Variants in BCL2 observed in about 807,000 individuals in gnomAD.
The protein encoded by BCL2 is BCL2 apoptosis regulator.
Under a neutral mutation model 14.2 loss-of-function variants are expected in BCL2, and 1 was observed. The observed-to-expected ratio is 0.07, with a 90% CI of 0.02 to 0.33. The LOEUF is 0.33. BCL2 is among the 10% of genes least tolerant of loss of function. The probability of loss-of-function intolerance (pLI) is 0.99; values close to 1 mark genes in which losing one functional copy is unlikely to be tolerated. For missense variants in BCL2, 247 were observed against 305.9 expected, an observed-to-expected ratio of 0.81 and a Z score of 1.44; for synonymous variants, 151 against 137.2, an observed-to-expected ratio of 1.10 and a Z score of -0.70.
At chr18:63,205,871 G>C (rs1035535041) in intron 2 of BCL2, among the ~76,000 whole-genome samples, 2 of 152,126 alleles carry the variant, frequency 1.3e-5, no homozygotes, top group Non-Finnish European at 2.9e-5. Flanking sequence ...CAGGCCTCCA[G>C]AGAATTTGAC....
intron 2 of BCL2, among the ~76,000 whole-genome samples, chr18:63,233,247 A>G (rs1450360291): frequency 1.3e-5 from 2 of 152,254 alleles, no homozygotes; most frequent in African/African-American, 2.4e-5. Context: ...GGAAAGAAAC[A>G]TTCAGTTTAT....
rs141252442 is a variant in BCL2, at chr18:63,309,699, C to T, written c.585+8383G>A. 6.6e-5 allele frequency among the ~76,000 whole-genome samples: 10 copies of T among 152,254 alleles called. No homozygotes were observed. In the East Asian group the frequency reaches 1.7e-3, roughly 26 times the overall value. ...AACCTTTGCAACATCCTTTCAACAT[C>T]CCTGGTACAGTTAAACGCAGCCATC... On this transcript the variant is annotated intron_variant, in intron 2 of 2. Transcript: ENST00000333681.
At chr18:63,169,470 G>C in intron 2 of BCL2, among the ~76,000 whole-genome samples, 1 of 110,498 alleles carries the variant, frequency 9.0e-6, no homozygotes, top group South Asian at 2.9e-4. Context: ...CTCCCTCCCT[G>C]TCTCCCTCCC....
intron 2 of BCL2, among the ~76,000 whole-genome samples, chr18:63,287,705 G>A (rs1296867761): frequency 6.6e-6 from 1 of 152,182 alleles, no homozygotes; most frequent in Non-Finnish European, 1.5e-5. Flanking sequence ...TACAGCATAT[G>A]CAAGAAGGAA....
chr18:63,270,396 A>C (rs1413215634), intron 2 of BCL2, among the ~76,000 whole-genome samples: 1 of 152,228 alleles, frequency 6.6e-6, no homozygotes, highest in Non-Finnish European at 1.5e-5. Context: ...GCCTTAACAA[A>C]GAAAGAAGAA....
At chr18:63,222,803 A>G (rs547503367) in intron 2 of BCL2, among the ~76,000 whole-genome samples, 21 of 152,358 alleles carry the variant, frequency 1.4e-4, no homozygotes, top group African/African-American at 4.6e-4. Flanking sequence ...CCACCAGGAC[A>G]ATAGGAGAGG....
intron 2 of BCL2, among the ~76,000 whole-genome samples, chr18:63,139,073 G>A (rs1316852854): frequency 3.9e-5 from 6 of 152,224 alleles, no homozygotes; most frequent in Non-Finnish European, 7.3e-5. Flanking sequence ...ATGGACCTCA[G>A]AGGATTCCTT....
chr18:63,230,597 AAAAG>A (rs1397813656), intron 2 of BCL2, among the ~76,000 whole-genome samples: 3 of 152,242 alleles, frequency 2.0e-5, no homozygotes, highest in East Asian at 1.9e-4. Context: ...TGAGCAAGGA[AAAAG>A]AAAGAGCACA....
chr18:63,158,430 C>T (rs1217915109), intron 2 of BCL2, among the ~76,000 whole-genome samples: 1 of 152,128 alleles, frequency 6.6e-6, no homozygotes, highest in Non-Finnish European at 1.5e-5. Context: ...CTGTCACACG[C>T]TCTCCTCCAC....
intron 2 of BCL2, among the ~76,000 whole-genome samples, chr18:63,162,441 G>T (rs1182350130): frequency 1.3e-5 from 2 of 152,090 alleles, no homozygotes; most frequent in Non-Finnish European, 2.9e-5. Context: ...ATATGAACAT[G>T]TTTTTATTTC....
At chr18:63,138,757 A>C (rs540196065) in intron 2 of BCL2, among the ~76,000 whole-genome samples, 1 of 152,262 alleles carries the variant, frequency 6.6e-6, no homozygotes, top group Admixed American at 6.5e-5. Flanking sequence ...TGCTGGAGAC[A>C]TGGCAGGAGA....
Position 63,239,000 on chromosome 18 carries a change from G to A in BCL2, c.585+79082C>T, listed in dbSNP as rs763851773. On this transcript the variant is annotated intron_variant, in intron 2 of 2. Coordinates refer to ENST00000333681, the MANE Select transcript of BCL2 (RefSeq NM_000633.3). ...CTAACTGCGGGAGCCCTGCTACTCC[G>A]GGTAGGGGAGAGGCGGGGGCCTGTG... is the stretch of plus-strand genomic sequence containing the variant. Among the ~76,000 whole-genome samples, 67 of 152,220 alleles carry A rather than the reference G, an allele frequency of 4.4e-4. 1 individual carries two copies. The highest frequency in any genetic ancestry group is 2.7e-3 in the South Asian group (13 of 4,834).
Position 63,124,806 on chromosome 18 carries a change from T to G in BCL2, c.*3819A>C, listed in dbSNP as rs561816906. ...AATAAGATCAGAATAGAATTTCAAC[T>G]GACTCCCTAATTTCCTTAGAATGGC... On this transcript the variant is annotated 3_prime_UTR_variant, in exon 3 of 3. Transcript: ENST00000333681. The G allele has an allele frequency of 2.0e-4, 46 of 229,644 alleles. No individual in the cohort carries two copies. Among genetic ancestry groups the G allele is most frequent in the African/African-American group, 9.7e-4 (44 of 45,264 alleles). 14.2% of individuals were successfully genotyped at this position (229,644 alleles called of 1,614,324 possible).
chr18:63,264,433 A>G lies in BCL2; in HGVS notation c.585+53649T>C, dbSNP rs536703614. Among the ~76,000 whole-genome samples, 401 of 152,234 alleles carry G rather than the reference A, an allele frequency of 2.6e-3. 1 individual carries two copies. The highest frequency in any genetic ancestry group is 9.1e-3 in the African/African-American group (377 of 41,532). Reference sequence around the variant, plus strand: ...ATTAAATATGAGATGACCTACCTCAATGCTCCACTGTGTCTCCTACCCCTG... The same window carrying G: ...ATTAAATATGAGATGACCTACCTCAGTGCTCCACTGTGTCTCCTACCCCTG... On this transcript the variant is annotated intron_variant, in intron 2 of 2. Coordinates refer to ENST00000333681, the MANE Select transcript of BCL2 (RefSeq NM_000633.3).
chr18:63,136,488 C>A (rs376386559), intron 2 of BCL2, among the ~76,000 whole-genome samples: 1 of 152,214 alleles, frequency 6.6e-6, no homozygotes, highest in African/African-American at 2.4e-5. Flanking sequence ...ATAGGTTAGA[C>A]TCCCTTAGAA....
intron 2 of BCL2, among the ~76,000 whole-genome samples, chr18:63,291,931 C>G (rs999218851): frequency 5.9e-5 from 9 of 151,982 alleles, no homozygotes; most frequent in African/African-American, 2.2e-4. Context: ...CCATGGGAAG[C>G]AAGTTAAATT....
chr18:63,183,452 C>A (rs1467463452), intron 2 of BCL2, among the ~76,000 whole-genome samples: 1 of 152,192 alleles, frequency 6.6e-6, no homozygotes, highest in Non-Finnish European at 1.5e-5. Flanking sequence ...GGACACAGGA[C>A]TTGCTCTCCC....
At chr18:63,164,131 T>C (rs1370165955) in intron 2 of BCL2, among the ~76,000 whole-genome samples, 1 of 152,162 alleles carries the variant, frequency 6.6e-6, no homozygotes, top group Non-Finnish European at 1.5e-5. Flanking sequence ...GAGTTTTCTT[T>C]GAAATGAATG....
In BCL2 at chr18:63,212,282, C is replaced by T. The variant is rs188754882; in HGVS notation, c.586-83523G>A. 7.6e-4 allele frequency among the ~76,000 whole-genome samples: 116 copies of T among 151,744 alleles called. No individual in the cohort carries two copies. The East Asian group carries it at 0.021, about 28-fold the overall frequency. On this transcript the variant is annotated intron_variant, in intron 2 of 2. Transcript: ENST00000333681. ...GGCAGAGGTTGCAGTGAGCCAAGAG[C>T]ATGCCACTGCACTCCAGCCTGGGCG...
Sources: allele counts gnomAD v4.1 joint callset (sites outside exome capture counted in the v4.1 genomes callset), GRCh38; gene constraint gnomAD v4.1.1; transcripts MANE v1.5; gene names NCBI Gene and HGNC (gene_info 2026-07-23, HGNC 2026-07-21).